The following CD36 variants were observed in gnomAD, a reference collection of about 807,000 sequenced individuals.
CD36 encodes the protein CD36 molecule (CD36 blood group).
Under a neutral mutation model 55.2 loss-of-function variants are expected in CD36, and 119 were observed. The ratio of observed to expected loss-of-function variants is 2.15; its 90% CI spans 1.86 to 2.51. The LOEUF (loss-of-function observed/expected upper bound fraction) is 2.51. Ranked by LOEUF, CD36 falls within the 30% of genes most tolerant of loss-of-function variation. CD36 has a pLI of 0.00. For synonymous variants in CD36, 186 were observed against 193.6 expected (o/e 0.96, Z 0.33); for missense variants, 819 against 555.5 (o/e 1.47, Z -4.77).
chr7:80,661,137 G>C lies in CD36; in HGVS notation c.356G>C (p.Gly119Ala). Residue 119 changes from glycine to alanine, a missense_variant, in exon 5 of 15, where the codon GGT (glycine) becomes GCT (alanine). Coordinates refer to ENST00000447544, the MANE Select transcript of CD36 (RefSeq NM_001001548.3). ...DNTVSFLQPN[G>A]AIFEPSLSVG... ...ACAGTCTCTTTCCTGCAGCCCAATG[G>C]TGCCATCTTCGAACCTTCACTATCA... 6.2e-7 allele frequency: 1 copy of C among 1,613,928 alleles called. No homozygotes were observed. Among genetic ancestry groups the C allele is most frequent in the Non-Finnish European group, 8.5e-7 (1 of 1,179,852 alleles).
intron 1 of CD36, among the ~76,000 whole-genome samples, chr7:80,631,340 A>G (rs1045590389): frequency 1.3e-5 from 2 of 152,046 alleles, no homozygotes; most frequent in Non-Finnish European, 2.9e-5. Flanking sequence ...GGAGAGTTAG[A>G]AGGATGAAAG....
intron 1 of CD36, among the ~76,000 whole-genome samples, chr7:80,604,926 G>T (rs1792458676): frequency 6.6e-6 from 1 of 152,032 alleles, no homozygotes; most frequent in Non-Finnish European, 1.5e-5. Context: ...TTCATTTGGA[G>T]GTTCCTTTGG....
chr7:80,613,878 G>A (rs899648239), intron 1 of CD36, among the ~76,000 whole-genome samples: 1 of 152,020 alleles, frequency 6.6e-6, no homozygotes, highest in South Asian at 2.1e-4. Context: ...TAGTACTTTT[G>A]GAGTATATTT....
chr7:80,661,268 A>T, intron 5 of CD36, 58 bp downstream of exon 5: 2 of 1,447,674 alleles, frequency 1.4e-6, no homozygotes, highest in Non-Finnish European at 1.9e-6. Context: ...TCATGTAATT[A>T]ATCCTATCAT....
At position 80,656,535 on chromosome 7, in the gene CD36, C is replaced by T. The variant is rs1367306909; in HGVS notation, c.121-5C>T. On this transcript the variant is annotated splice_region_variant and splice_polypyrimidine_tract_variant and intron_variant, in intron 3 of 14. Transcript: ENST00000447544. ...CATAACCCAAACTTATTTTCTTTTT[C>T]ATAGCAAGTTGTCCTCGAAGAAGGT... 7 of 1,613,028 alleles carry T rather than the reference C, an allele frequency of 4.3e-6. No individual in the cohort carries two copies. Among genetic ancestry groups the T allele is most frequent in the Middle Eastern group, 1.7e-4 (1 of 6,034 alleles).
At position 80,678,189 on chromosome 7, in the gene CD36, G is replaced by A. The variant is rs1416239075; in HGVS notation, c.*1806G>A. ...TGTGACTTTGTTTTGCCCTGGCGAA[G>A]TTAATGTTGTTCAGAAAGGGTAAAT... On this transcript the variant is annotated 3_prime_UTR_variant, in exon 15 of 15. Coordinates refer to ENST00000447544, the MANE Select transcript of CD36 (RefSeq NM_001001548.3). 6.6e-6 allele frequency: 1 copy of A among 151,950 alleles called. No individual in the cohort carries two copies. The highest frequency in any genetic ancestry group is 1.5e-5 in the Non-Finnish European group (1 of 68,004). 9.4% of individuals were successfully genotyped at this position (151,950 alleles called of 1,614,324 possible).
At chr7:80,639,114 T>A (rs1794638707) in intron 1 of CD36, among the ~76,000 whole-genome samples, 1 of 151,998 alleles carries the variant, frequency 6.6e-6, no homozygotes, top group Non-Finnish European at 1.5e-5. Context: ...CAGACCAATA[T>A]AATGAGGTTA....
chr7:80,606,454 A>G (rs1322297535), intron 1 of CD36, among the ~76,000 whole-genome samples: 1 of 152,216 alleles, frequency 6.6e-6, no homozygotes, highest in Non-Finnish European at 1.5e-5. Flanking sequence ...GACGCTAAAT[A>G]TATAAACTCA....
intron 1 of CD36, among the ~76,000 whole-genome samples, chr7:80,617,371 A>C (rs1793222673): frequency 6.6e-6 from 1 of 151,898 alleles, no homozygotes; most frequent in Non-Finnish European, 1.5e-5. Flanking sequence ...TGTACCCCTG[A>C]ACTTAAAAGT....
intron 4 of CD36, 135 bp downstream of exon 4, chr7:80,656,835 T>C: frequency 1.3e-6 from 1 of 786,506 alleles, no homozygotes; most frequent in Non-Finnish European, 2.1e-6. Context: ...AAAATATTTT[T>C]CCTGTCTGTA....
chr7:80,644,830 A>G (rs1374711208), intron 1 of CD36, among the ~76,000 whole-genome samples: 2 of 152,190 alleles, frequency 1.3e-5, no homozygotes, highest in Admixed American at 1.3e-4. Context: ...AGCATTTCAA[A>G]GTAGAGAATA....
intron 1 of CD36, chr7:80,623,787 G>C (rs1468429964): frequency 3.3e-5 from 5 of 152,156 alleles, no homozygotes; most frequent in Admixed American, 3.3e-4. Context: ...AAAGACAAAG[G>C]ATGGAATGAA....
upstream of CD36, among the ~76,000 whole-genome samples, chr7:80,637,568 G>GT (rs1562784762): frequency 2.0e-4 from 30 of 150,694 alleles, no homozygotes; most frequent in African/African-American, 6.5e-4. Flanking sequence ...GAGTGTTTGG[G>GT]GTTTTTTTTT....
chr7:80,672,592 G>A lies in CD36; in HGVS notation c.1126-178G>A, dbSNP rs73378969. ...ATTCGATTGGGCAAATAAATTGTGT[G>A]TATCTATATGGATGCATGTGTATAT... On this transcript the variant is annotated intron_variant, in intron 11 of 14. Coordinates refer to ENST00000447544, the MANE Select transcript of CD36 (RefSeq NM_001001548.3). Among the ~76,000 whole-genome samples, 719 of 151,490 alleles carry A rather than the reference G, an allele frequency of 4.7e-3. 6 individuals carry two copies. Among genetic ancestry groups the A allele is most frequent in the African/African-American group, 0.016 (675 of 41,464 alleles).
At chr7:80,618,608 C>G (rs188682653) in intron 1 of CD36, among the ~76,000 whole-genome samples, 10 of 152,268 alleles carry the variant, frequency 6.6e-5, no homozygotes, top group Admixed American at 5.9e-4. Flanking sequence ...GTCAAACTGC[C>G]TTATTGCTGA....
chr7:80,674,037 A>G lies in CD36; in HGVS notation c.1309A>G (p.Lys437Glu). The G allele has an allele frequency of 6.2e-7, 1 of 1,612,464 alleles. No individual in the cohort carries two copies. The highest frequency in any genetic ancestry group is 8.5e-7 in the Non-Finnish European group (1 of 1,178,936). The change falls in exon 14 of 15, where the codon AAA becomes GAA. Residue 437 changes from lysine to glutamate, a missense_variant. Coordinates refer to ENST00000447544, the MANE Select transcript of CD36 (RefSeq NM_001001548.3). ...ANMFRSQVTG[K>E]INLLGLIEMI... ...CATGTTCAGAAGTCAAGTAACTGGA[A>G]AAATAAACCTCCTTGGCCTGATAGA...
At chr7:80,674,850 T>G (rs1020683793) in intron 14 of CD36, among the ~76,000 whole-genome samples, 3 of 152,106 alleles carry the variant, frequency 2.0e-5, no homozygotes, top group Non-Finnish European at 2.9e-5. Context: ...GTATGTGTGT[T>G]ATAATAACTT....
chr7:80,659,671 A>G (rs958325931), intron 4 of CD36, among the ~76,000 whole-genome samples: 1 of 136,276 alleles, frequency 7.3e-6, no homozygotes, highest in African/African-American at 2.5e-5. Flanking sequence ...ATCTACTGGT[A>G]TAATGTTGTC....
rs151172320 is a variant in CD36, at chr7:80,661,245, A to C, written c.429+35A>C. The C allele has an allele frequency of 4.2e-5, 66 of 1,580,610 alleles. No homozygotes were observed. The African/African-American group carries it at 7.3e-4, about 17-fold the overall frequency. ...CAAACAACAAAGTTATCTATTTTAA[A>C]ATACTCTAGAACTCATGTAATTAAT... On this transcript the variant is annotated intron_variant, in intron 5 of 14. Coordinates refer to ENST00000447544, the MANE Select transcript of CD36 (RefSeq NM_001001548.3).
Sources: allele counts gnomAD v4.1 joint callset (sites outside exome capture counted in the v4.1 genomes callset), GRCh38; gene constraint gnomAD v4.1.1; transcripts MANE v1.5; gene names NCBI Gene and HGNC (gene_info 2026-07-23, HGNC 2026-07-21).